Variants in CDH11 observed in about 807,000 individuals in gnomAD.
CDH11 encodes the protein cadherin-11.
In CDH11, 11 loss-of-function variants were observed where a neutral mutation model predicts 67.8. That is an observed-to-expected ratio of 0.16 (90% CI 0.10 to 0.27). The LOEUF is 0.27. Among genes scored for constraint, CDH11 ranks in the 10% least tolerant of loss-of-function variants. The pLI is 1.00. For synonymous variants in CDH11, 419 were observed against 400.0 expected (o/e 1.05, Z -0.57); for missense variants, 847 against 1,031.2 (o/e 0.82, Z 2.45).
chr16:65,018,510 A>G (rs765343406), intron 2 of CDH11, among the ~76,000 whole-genome samples: 2 of 152,196 alleles, frequency 1.3e-5, no homozygotes, highest in Non-Finnish European at 2.9e-5. Context: ...CTGAAGAAAT[A>G]GGGGAGAGAG....
intron 1 of CDH11, among the ~76,000 whole-genome samples, chr16:65,067,576 C>A (rs2074335290): frequency 6.6e-6 from 1 of 152,066 alleles, no homozygotes; most frequent in South Asian, 2.1e-4. Flanking sequence ...TTCATTCATT[C>A]TTTTTACTTT....
At chr16:64,950,495 G>C (rs1296858742) in intron 12 of CDH11, among the ~76,000 whole-genome samples, 1 of 152,028 alleles carries the variant, frequency 6.6e-6, no homozygotes, top group Non-Finnish European at 1.5e-5. Flanking sequence ...GCCCTGTGAT[G>C]GCCCGGCAAA....
intron 2 of CDH11, among the ~76,000 whole-genome samples, chr16:65,052,695 T>C (rs1346314686): frequency 2.6e-5 from 4 of 152,192 alleles, no homozygotes; most frequent in Non-Finnish European, 5.9e-5. Flanking sequence ...AAGAACATTG[T>C]TCAGGATATA....
chr16:65,045,993 A>G (rs532860697), intron 2 of CDH11, among the ~76,000 whole-genome samples: 1 of 152,332 alleles, frequency 6.6e-6, no homozygotes, highest in African/African-American at 2.4e-5. Flanking sequence ...AGAGCACATG[A>G]CTACAAAATC....
At chr16:65,091,574 C>T (rs1488515520) in intron 1 of CDH11, among the ~76,000 whole-genome samples, 46 of 140,112 alleles carry the variant, frequency 3.3e-4, no homozygotes, top group African/African-American at 1.1e-3. Context: ...TTTTTTGAGA[C>T]GGAGTCTCAC....
chr16:65,097,930 A>T (rs192485250), intron 1 of CDH11, among the ~76,000 whole-genome samples: 52 of 152,304 alleles, frequency 3.4e-4, no homozygotes, highest in African/African-American at 1.3e-3. Flanking sequence ...TGCTATAATG[A>T]CAATCTAACC....
At chr16:65,057,792 A>G (rs1288281918) in intron 1 of CDH11, among the ~76,000 whole-genome samples, 1 of 152,234 alleles carries the variant, frequency 6.6e-6, no homozygotes, top group African/African-American at 2.4e-5. Context: ...CCAAGTGCAT[A>G]GAGCAAGGAA....
At chr16:65,117,375 C>A (rs74759088) in intron 1 of CDH11, among the ~76,000 whole-genome samples, 7,238 of 152,246 alleles carry the variant, frequency 0.048, 233 homozygotes, top group East Asian at 0.16. Flanking sequence ...GCATTAGTTT[C>A]TTTTTGCATT....
chr16:64,948,455 C>A (rs745360508), intron 12 of CDH11: 2 of 713,664 alleles, frequency 2.8e-6, no homozygotes, highest in Non-Finnish European at 4.8e-6. Flanking sequence ...ATGCCAATTT[C>A]TCTTTGCAAA....
chr16:65,056,412 G>A (rs1166313153), intron 1 of CDH11, among the ~76,000 whole-genome samples: 2 of 152,154 alleles, frequency 1.3e-5, no homozygotes, highest in South Asian at 2.1e-4. Flanking sequence ...GAAAGAACAA[G>A]TAAAAATACC....
intron 1 of CDH11, among the ~76,000 whole-genome samples, chr16:65,085,114 T>C (rs1341806883): frequency 2.6e-5 from 4 of 152,224 alleles, no homozygotes; most frequent in East Asian, 1.9e-4. Flanking sequence ...TTTCACCACA[T>C]TGGGCAGCGT....
Position 64,982,229 on chromosome 16 carries a change from A to C in CDH11, c.1072T>G (p.Phe358Val), listed in dbSNP as rs904356944. Residue 358 changes from phenylalanine to valine, a missense_variant, in exon 8 of 13, where the codon TTT becomes GTT. Physicochemically the swap from Phe to Val is conservative, Grantham distance 50. Coordinates refer to ENST00000268603, the MANE Select transcript of CDH11 (RefSeq NM_001797.4). ...TCCTTGAAAGGGCCATTGCTGATAA[A>C]CTTCGGGTCGATGTGCACGTTGGCT... The part of the protein sequence containing the change: ...EAANVHIDPK[F>V]ISNGPFKDTV... 3 of 1,613,936 alleles carry C rather than the reference A, an allele frequency of 1.9e-6. No homozygotes were observed. The highest frequency in any genetic ancestry group is 2.5e-6 in the Non-Finnish European group (3 of 1,179,870).
chr16:65,071,084 T>A (rs776722410), intron 1 of CDH11, among the ~76,000 whole-genome samples: 8 of 152,292 alleles, frequency 5.3e-5, no homozygotes, highest in Non-Finnish European at 1.2e-4. Context: ...AAAGGTCCTT[T>A]GAGGAACTCC....
chr16:65,025,195 C>T, intron 2 of CDH11, among the ~76,000 whole-genome samples: 1 of 152,326 alleles, frequency 6.6e-6, no homozygotes, highest in South Asian at 2.1e-4. Flanking sequence ...GCCTGACCTC[C>T]CTCATTCCTA....
chr16:65,070,901 A>G (rs2074403899), intron 1 of CDH11, among the ~76,000 whole-genome samples: 1 of 152,132 alleles, frequency 6.6e-6, no homozygotes, highest in African/African-American at 2.4e-5. Flanking sequence ...AAGGTCACAG[A>G]CTCTGGGAGA....
intron 11 of CDH11, 29 bp from the exon 12 acceptor site, chr16:64,951,047 G>C: frequency 6.2e-7 from 1 of 1,602,284 alleles, no homozygotes; most frequent in Non-Finnish European, 8.5e-7. Flanking sequence ...CAGGCCGTGC[G>C]CCCAGTCAAG....
At chr16:64,985,977 G>A (rs1244595241) in intron 7 of CDH11, 1 of 151,782 alleles carries the variant, frequency 6.6e-6, no homozygotes, top group Non-Finnish European at 1.5e-5. Context: ...CTGGCAAAGG[G>A]CCTGCCTGAC....
chr16:65,033,332 G>C (rs1248847606), intron 2 of CDH11, among the ~76,000 whole-genome samples: 1 of 151,682 alleles, frequency 6.6e-6, no homozygotes, highest in Non-Finnish European at 1.5e-5. Flanking sequence ...TGCAAATAAA[G>C]TTAATCAAAT....
At chr16:64,956,014 T>C (rs1001911720) in intron 11 of CDH11, among the ~76,000 whole-genome samples, 1 of 152,200 alleles carries the variant, frequency 6.6e-6, no homozygotes, top group African/African-American at 2.4e-5. Flanking sequence ...AGTGTCAGAT[T>C]GGCTCCAGGT....
Sources: gnomAD v4.1 joint callset for allele counts (sites outside exome capture counted in the v4.1 genomes callset) on GRCh38, gnomAD v4.1.1 for gene constraint, MANE v1.5 for transcripts, NCBI Gene and HGNC (gene_info 2026-07-23, HGNC 2026-07-21) for gene names.